The following DENND2B variants were observed in gnomAD, a reference collection of about 807,000 sequenced individuals.
DENND2B encodes DENN domain-containing protein 2B.
In DENND2B, 32 loss-of-function variants were observed where a neutral mutation model predicts 116.0. That is an observed-to-expected ratio of 0.28 (90% CI 0.21 to 0.37). The LOEUF (loss-of-function observed/expected upper bound fraction) is 0.37. DENND2B is among the 10% of genes least tolerant of loss of function. The pLI is 1.00. For missense variants in DENND2B, 1,276 were observed against 1,477.7 expected (o/e 0.86, Z 2.24); for synonymous variants, 588 against 583.9 (o/e 1.01, Z -0.10).
At chr11:8,801,041 A>T (rs928567221) in intron 1 of DENND2B, among the ~76,000 whole-genome samples, 2 of 148,088 alleles carry the variant, frequency 1.4e-5, no homozygotes, top group African/African-American at 5.0e-5. Flanking sequence ...TTGCCACTTC[A>T]CTATCTAGAG....
chr11:8,718,494 C>G, intron 4 of DENND2B: 1 of 1,473,086 alleles, frequency 6.8e-7, no homozygotes. Context: ...AACCTCGGAA[C>G]GGAACAGTGA....
chr11:8,897,346 A>G (rs1331530134), intron 1 of DENND2B, among the ~76,000 whole-genome samples: 1 of 152,194 alleles, frequency 6.6e-6, no homozygotes, highest in Non-Finnish European at 1.5e-5. Flanking sequence ...AACCTTGGTA[A>G]GAAAAATATG....
chr11:8,893,582 C>CA (rs2064060440), intron 1 of DENND2B, among the ~76,000 whole-genome samples: 2 of 152,226 alleles, frequency 1.3e-5, no homozygotes, highest in African/African-American at 2.4e-5. Context: ...GCAAAAATCA[C>CA]AGCATTCTTA....
rs1433843841 is a variant in DENND2B, at chr11:8,717,990, A to G, written c.1478-98T>C. On this transcript the variant is annotated intron_variant, in intron 4 of 19. Transcript: ENST00000313726. ...AAACAAGCAGAATTCCTGTGAACCA[A>G]AGAGAATGGCTTCTGCCTGGCCCCT... 4 of 1,417,218 alleles carry G rather than the reference A, an allele frequency of 2.8e-6. No individual in the cohort carries two copies. In the African/African-American group the frequency reaches 5.7e-5, roughly 20 times the overall value. The allele number at this position is 1,417,218 out of a possible 1,614,324, so 87.8% of individuals were successfully genotyped here.
At position 8,715,888 on chromosome 11, in the gene DENND2B, A is replaced by C; in HGVS notation, c.1630-70T>G. On this transcript the variant is annotated intron_variant, in intron 5 of 19. Transcript: ENST00000313726. The stretch of plus-strand genomic sequence containing the variant: ...CCTTGGCCAGTGTCTGTCTGCTGGG[A>C]TGGGGACACAGAGGCCAAGGGCCGG... 6 of 1,436,694 alleles carry C rather than the reference A, an allele frequency of 4.2e-6. No individual in the cohort carries two copies. The South Asian group carries it at 8.0e-5, about 19-fold the overall frequency. The allele number at this position is 1,436,694 out of a possible 1,614,324, so 89.0% of individuals were successfully genotyped here. A position where few individuals can be genotyped will look rare whatever the true frequency, so the allele number is the denominator to read the frequency against.
chr11:8,866,588 A>G (rs1278757518), intron 2 of DENND2B, among the ~76,000 whole-genome samples: 1 of 152,210 alleles, frequency 6.6e-6, no homozygotes, highest in African/African-American at 2.4e-5. Flanking sequence ...CTTTCAGGTG[A>G]CACAAAATAC....
intron 2 of DENND2B, among the ~76,000 whole-genome samples, chr11:8,745,035 G>C (rs1454575024): frequency 6.6e-6 from 1 of 151,626 alleles, no homozygotes; most frequent in Non-Finnish European, 1.5e-5. Context: ...TCCTGCCTTA[G>C]CTTCTAGAGG....
chr11:8,808,699 G>A (rs1390892618), intron 1 of DENND2B: 2 of 152,156 alleles, frequency 1.3e-5, no homozygotes, highest in African/African-American at 4.8e-5. Context: ...CGTTAGATAG[G>A]ACGTGACTTG....
chr11:8,884,102 C>G (rs116762763), intron 1 of DENND2B, among the ~76,000 whole-genome samples: 2,209 of 152,274 alleles, frequency 0.015, 54 homozygotes, highest in African/African-American at 0.05. Context: ...CATTCAGGCT[C>G]TATGCCTGTG....
upstream of DENND2B, chr11:8,811,572 C>A (rs2061374799): frequency 1.9e-5 from 7 of 369,782 alleles, no homozygotes; most frequent in East Asian, 2.7e-4. Context: ...AGTTTAGTCC[C>A]ATCCCCATCC....
At position 8,790,807 on chromosome 11, in the gene DENND2B, G is replaced by A. The variant is rs144140241; in HGVS notation, c.-26+19710C>T. Reference sequence around the variant, plus strand: ...AATTCTGTTTAAGCCCCTGGCTGATGGAGCAGAAATGATGCTCGCTAAATC... The same window carrying A: ...AATTCTGTTTAAGCCCCTGGCTGATAGAGCAGAAATGATGCTCGCTAAATC... On this transcript the variant is annotated intron_variant, in intron 1 of 19. Transcript: ENST00000313726. 1.6e-4 allele frequency among the ~76,000 whole-genome samples: 24 copies of A among 152,206 alleles called. No individual in the cohort carries two copies. In the East Asian group the frequency reaches 4.6e-3, roughly 29 times the overall value.
intron 1 of DENND2B, chr11:8,787,179 C>T (rs1015901140): frequency 6.6e-6 from 1 of 152,294 alleles, no homozygotes; most frequent in Admixed American, 6.5e-5. Flanking sequence ...TTTATGTCAA[C>T]TGCAGCCAGA....
At chr11:8,870,509 ATG>A (rs35041188) in intron 2 of DENND2B, among the ~76,000 whole-genome samples, 58,710 of 149,840 alleles carry the variant, frequency 0.39, 11,839 homozygotes, top group Non-Finnish European at 0.44. Flanking sequence ...GTGCGTGTGT[ATG>A]TGTGTGTGTG....
chr11:8,715,465 C>T (rs747885519), intron 6 of DENND2B, 138 bp downstream of exon 6: 64 of 822,740 alleles, frequency 7.8e-5, no homozygotes, highest in East Asian at 1.9e-4. Context: ...GGCCAGTGCA[C>T]GGACCCAGAA....
intron 9 of DENND2B, chr11:8,711,867 C>T (rs764930903): frequency 8.0e-6 from 3 of 376,978 alleles, no homozygotes; most frequent in South Asian, 3.8e-5. Context: ...AACTCCGTCT[C>T]GAATAAAAAA....
At chr11:8,706,539 A>C (rs943993621) in intron 13 of DENND2B, among the ~76,000 whole-genome samples, 4 of 151,782 alleles carry the variant, frequency 2.6e-5, no homozygotes, top group Admixed American at 2.6e-4. Flanking sequence ...GCCCCCACTC[A>C]CCACTTAGGT....
intron 1 of DENND2B, among the ~76,000 whole-genome samples, chr11:8,893,849 T>C (rs1033044132): frequency 8.6e-5 from 13 of 151,974 alleles, no homozygotes; most frequent in African/African-American, 2.7e-4. Flanking sequence ...TTCAATGCCA[T>C]CCCCATGAAG....
At chr11:8,884,036 T>TTTGTA (rs1369152279) in intron 1 of DENND2B, among the ~76,000 whole-genome samples, 3 of 152,244 alleles carry the variant, frequency 2.0e-5, no homozygotes, top group Non-Finnish European at 4.4e-5. Context: ...CTTAGTTGAC[T>TTTGTA]TCTTAGATTT....
In DENND2B at chr11:8,707,750, G is replaced by A. The variant is rs747644711; in HGVS notation, c.2430+27C>T. ...GTGGGAGCTGTCAGCTGGGGGACGG[G>A]GAGGGAAGCCTGCCAGAGCCTCTTA... On this transcript the variant is annotated intron_variant, in intron 12 of 19. Transcript: ENST00000313726. This position sits in a 1 kb window ranked among gnomAD's most constrained non-coding sequence, Gnocchi z 4.8. The A allele has an allele frequency of 2.5e-6, 4 of 1,589,260 alleles. No homozygotes were observed. Among genetic ancestry groups the A allele is most frequent in the Non-Finnish European group, 3.4e-6 (4 of 1,167,656 alleles).
Sources: allele counts gnomAD v4.1 joint callset (sites outside exome capture counted in the v4.1 genomes callset), GRCh38; gene constraint gnomAD v4.1.1; non-coding constraint Gnocchi (gnomAD v3.1); transcripts MANE v1.5; gene names NCBI Gene and HGNC (gene_info 2026-07-23, HGNC 2026-07-21).